IP6K3: variants seen among roughly 807,000 people sequenced by gnomAD.
The protein encoded by IP6K3 is inositol hexakisphosphate kinase 3, also known as ATP:1D-myo-inositol-hexakisphosphate phosphotransferase.
In IP6K3, 20 loss-of-function variants were observed where a neutral mutation model predicts 28.8. The observed-to-expected ratio is 0.70, with a 90% CI of 0.49 to 1.01. The LOEUF (loss-of-function observed/expected upper bound fraction) is 1.01. IP6K3 is among the 50% of genes least tolerant of loss of function. IP6K3 has a pLI of 0.00. For synonymous variants in IP6K3, 213 were observed against 221.3 expected, an observed-to-expected ratio of 0.96 and a Z score of 0.33; for missense variants, 480 against 537.1, an observed-to-expected ratio of 0.89 and a Z score of 1.05.
chr6:33,761,435 C>A, the IP6K3 span, among the ~76,000 whole-genome samples: 1 of 152,142 alleles, frequency 6.6e-6, no homozygotes, highest in Admixed American at 6.5e-5. Flanking sequence ...GGCATCCCAG[C>A]CACCTCTGCA....
At chr6:33,730,131 T>C (rs979035420) in intron 2 of IP6K3, among the ~76,000 whole-genome samples, 1 of 152,212 alleles carries the variant, frequency 6.6e-6, no homozygotes, top group Non-Finnish European at 1.5e-5. Flanking sequence ...AAGCTGTTTA[T>C]TTCTCCCCCC....
At chr6:33,728,974 T>C (rs138836045) in intron 2 of IP6K3, among the ~76,000 whole-genome samples, 16 of 152,332 alleles carry the variant, frequency 1.1e-4, no homozygotes, top group Non-Finnish European at 2.2e-4. Flanking sequence ...TGGTGGAACA[T>C]GGTTCTTTGA....
At chr6:33,733,055 A>G (rs1440905659) in intron 2 of IP6K3, among the ~76,000 whole-genome samples, 1 of 152,228 alleles carries the variant, frequency 6.6e-6, no homozygotes, top group African/African-American at 2.4e-5. Flanking sequence ...TCAAAACTTC[A>G]GCCCACGGGC....
the IP6K3 span, among the ~76,000 whole-genome samples, chr6:33,757,563 A>G: frequency 6.6e-6 from 1 of 152,054 alleles, no homozygotes; most frequent in African/African-American, 2.4e-5. Context: ...TCATTCCTTC[A>G]TTTGTTCATT....
chr6:33,753,797 T>TA, the IP6K3 span, among the ~76,000 whole-genome samples: 111,045 of 151,900 alleles, frequency 0.73, 42,108 homozygotes, highest in East Asian at 0.96. Flanking sequence ...ATGCTTGGCC[T>TA]TTACTTTATT....
rs369497810 is a variant in IP6K3, at chr6:33,734,988, C to T, written c.199+290G>A. On this transcript the variant is annotated intron_variant, in intron 2 of 5. Coordinates refer to ENST00000293756, the MANE Select transcript of IP6K3 (RefSeq NM_054111.5). Reference sequence around the variant, plus strand: ...ACCGGGAAGGCACAGACCAGAATGCCGCCTTGGAGACTGGGTGGGACCAGG... The same window carrying T: ...ACCGGGAAGGCACAGACCAGAATGCTGCCTTGGAGACTGGGTGGGACCAGG... Among the ~76,000 whole-genome samples the T allele has an allele frequency of 1.1e-4, 16 of 152,322 alleles. No homozygotes were observed. In the South Asian group the frequency reaches 2.9e-3, roughly 28 times the overall value.
chr6:33,758,788 G>A, the IP6K3 span, among the ~76,000 whole-genome samples: 2 of 152,118 alleles, frequency 1.3e-5, no homozygotes, highest in Non-Finnish European at 2.9e-5. Context: ...TAGTAGAGAC[G>A]ATGTTTCACC....
Position 33,722,878 on chromosome 6 carries a change from C to T in IP6K3, c.1075G>A (p.Gly359Ser). Residue 359 changes from glycine (G) to serine (S), a missense_variant, in exon 6 of 6, where the codon GGT becomes AGT. Coordinates refer to ENST00000293756, the MANE Select transcript of IP6K3 (RefSeq NM_054111.5). ...ATGCGGATGTCAACCTTGGTGAGAC[C>T]ACCGGGAGAGCTACCGTGGGCTGCC... ...PQAAHGSSPGGLTKVDIRMID... is the reference protein window; with the variant it reads ...PQAAHGSSPGSLTKVDIRMID... The T allele has an allele frequency of 6.2e-7, 1 of 1,614,128 alleles. No individual in the cohort carries two copies. Among genetic ancestry groups the T allele is most frequent in the Non-Finnish European group, 8.5e-7 (1 of 1,180,038 alleles).
intron 1 of IP6K3, among the ~76,000 whole-genome samples, chr6:33,738,021 A>C (rs1766589594): frequency 2.6e-5 from 4 of 152,272 alleles, no homozygotes; most frequent in Non-Finnish European, 5.9e-5. Flanking sequence ...AGGATATGCC[A>C]GTTGCCTGTA....
chr6:33,754,379 AG>A, the IP6K3 span, among the ~76,000 whole-genome samples: 1 of 152,244 alleles, frequency 6.6e-6, no homozygotes, highest in African/African-American at 2.4e-5. Context: ...ATGATAGCCT[AG>A]GGGGCGGCCA....
chr6:33,750,896 C>A (rs1188991112), upstream of IP6K3, among the ~76,000 whole-genome samples: 1 of 152,170 alleles, frequency 6.6e-6, no homozygotes, highest in Admixed American at 6.5e-5. This position sits in a 1 kb window ranked among gnomAD's most constrained non-coding sequence, Gnocchi z 4.3. Flanking sequence ...AGACAACAAC[C>A]TCCACCTCAT....
chr6:33,759,340 G>T, the IP6K3 span, among the ~76,000 whole-genome samples: 36 of 152,090 alleles, frequency 2.4e-4, no homozygotes, highest in Non-Finnish European at 1.5e-5. Flanking sequence ...GCAGTGGCGC[G>T]ATCTTGGCTC....
chr6:33,752,118 C>G, the IP6K3 span, among the ~76,000 whole-genome samples: 3 of 152,372 alleles, frequency 2.0e-5, no homozygotes, highest in East Asian at 5.8e-4. Context: ...AAGTCAGGTT[C>G]TTGTGGACTT....
chr6:33,729,212 C>A (rs939838837), intron 2 of IP6K3, among the ~76,000 whole-genome samples: 2 of 152,226 alleles, frequency 1.3e-5, no homozygotes, highest in Non-Finnish European at 2.9e-5. Flanking sequence ...CTGGTGGTGG[C>A]AGAACCCAGG....
upstream of IP6K3, among the ~76,000 whole-genome samples, chr6:33,748,505 C>T (rs992889130): frequency 6.6e-6 from 1 of 151,260 alleles, no homozygotes; most frequent in Non-Finnish European, 1.5e-5. Flanking sequence ...CGGTGGCTCA[C>T]ACCTGTAATC....
Position 33,722,822 on chromosome 6 carries a change from GC to G in IP6K3, c.1130del (p.Gly377AlafsTer47). 2 of 1,614,160 alleles carry G rather than the reference GC, an allele frequency of 1.2e-6. No homozygotes were observed. The highest frequency in any genetic ancestry group is 8.5e-7 in the Non-Finnish European group (1 of 1,180,014). On this transcript the variant is annotated frameshift_variant, in exon 6 of 6. Transcript: ENST00000293756. LOFTEE classifies it high-confidence loss of function. ...MIDFAHTTYK[G>X]YWNEHTTYDG... ...CGTAGGTGGTGTGCTCATTCCAGTA[GC>G]CCTTGTATGTGGTATGAGCAAAGTC... is the stretch of plus-strand genomic sequence containing the variant.
At position 33,735,295 on chromosome 6, in the gene IP6K3, A is replaced by G. The variant is rs928811167; in HGVS notation, c.182T>C (p.Phe61Ser). 3.1e-6 allele frequency: 5 copies of G among 1,612,476 alleles called. No individual in the cohort carries two copies. Among genetic ancestry groups the G allele is most frequent in the Non-Finnish European group, 4.2e-6 (5 of 1,179,696 alleles). Reference protein sequence around the residue: ...YESLPLAMKRFTPQYKGTVTV... With the variant: ...YESLPLAMKRSTPQYKGTVTV... ...ACACTCACCTTTGTACTGTGGGGTG[A>G]ACCGCTTCATGGCCAGCGGCAGGGA... The change falls in exon 2 of 6, where the codon TTC becomes TCC. Residue 61 changes from phenylalanine to serine, a missense_variant. Transcript: ENST00000293756.
At position 33,728,168 on chromosome 6, in the gene IP6K3, T is replaced by G. The variant is rs781496552; in HGVS notation, c.332A>C (p.Gln111Pro). 2 of 1,613,194 alleles carry G rather than the reference T, an allele frequency of 1.2e-6. No individual in the cohort carries two copies. Among genetic ancestry groups the G allele is most frequent in the Non-Finnish European group, 1.7e-6 (2 of 1,180,022 alleles). The change falls in exon 3 of 6, where the codon CAG becomes CCG. Residue 111 changes from glutamine to proline, a missense_variant. Transcript: ENST00000293756. ...GCTGCCATTGCTGCCGGTGGTCTGC[T>G]GGAGCGTCTGCCATATGGCCACCGC... is the stretch of plus-strand genomic sequence containing the variant. ...SAAVAIWQTL[Q>P]QTTGSNGSDC...
chr6:33,724,654 G>A (rs140189504), intron 5 of IP6K3, among the ~76,000 whole-genome samples: 2 of 152,176 alleles, frequency 1.3e-5, no homozygotes, highest in Admixed American at 6.5e-5. Flanking sequence ...GGATTAAGAA[G>A]GGGAAATGGC....
Sources: gnomAD v4.1 joint callset for allele counts (sites outside exome capture counted in the v4.1 genomes callset) on GRCh38, gnomAD v4.1.1 for gene constraint, Gnocchi (gnomAD v3.1) non-coding constraint, MANE v1.5 for transcripts, NCBI Gene and HGNC (gene_info 2026-07-23, HGNC 2026-07-21) for gene names.